The following NXPE2 variants were observed in gnomAD, a reference collection of about 807,000 sequenced individuals.
NXPE2 encodes NXPE family member 2.
Under a neutral mutation model 34.4 loss-of-function variants are expected in NXPE2, and 34 were observed. That is an observed-to-expected ratio of 0.99 (90% CI 0.75 to 1.31). The LOEUF (loss-of-function observed/expected upper bound fraction) is 1.31. Ranked by LOEUF, NXPE2 falls within the 40% of genes most tolerant of loss-of-function variation. NXPE2 has a pLI of 0.00. For missense variants in NXPE2, 649 were observed against 672.5 expected (o/e 0.97, Z 0.39); for synonymous variants, 235 against 231.3 (o/e 1.02, Z -0.15).
chr11:114,670,224 A>G, the NXPE2 span, among the ~76,000 whole-genome samples: 4 of 152,004 alleles, frequency 2.6e-5, no homozygotes, highest in Admixed American at 2.6e-4. Context: ...TGATAACAAC[A>G]GATGGAGAGA....
chr11:114,638,802 GCTGT>G, the NXPE2 span, among the ~76,000 whole-genome samples: 1 of 151,996 alleles, frequency 6.6e-6, no homozygotes, highest in Non-Finnish European at 1.5e-5. Context: ...CGTGAATGCT[GCTGT>G]CTGATTGTTC....
At chr11:114,751,134 G>T in the NXPE2 span, among the ~76,000 whole-genome samples, 8 of 152,058 alleles carry the variant, frequency 5.3e-5, no homozygotes, top group African/African-American at 1.9e-4. Flanking sequence ...GCATGCATGG[G>T]CTTTTTATTG....
the NXPE2 span, among the ~76,000 whole-genome samples, chr11:114,805,401 C>G: frequency 6.6e-6 from 1 of 152,088 alleles, no homozygotes; most frequent in African/African-American, 2.4e-5. Flanking sequence ...TCGCCTCACC[C>G]GGGAAGCACA....
At chr11:114,651,487 T>G in the NXPE2 span, among the ~76,000 whole-genome samples, 12 of 152,308 alleles carry the variant, frequency 7.9e-5, no homozygotes, top group African/African-American at 2.9e-4. Context: ...CAAGATTTAT[T>G]GCAAAGAGCA....
the NXPE2 span, among the ~76,000 whole-genome samples, chr11:114,635,525 G>C: frequency 6.6e-6 from 1 of 151,980 alleles, no homozygotes. Flanking sequence ...GTGAGAGAGG[G>C]CATCCCTGTC....
At position 114,705,778 on chromosome 11, in the gene NXPE2, C is replaced by T; in HGVS notation, c.929-3C>T. The T allele has an allele frequency of 7.0e-7, 1 of 1,418,730 alleles. No homozygotes were observed. The highest frequency in any genetic ancestry group is 9.3e-7 in the Non-Finnish European group (1 of 1,079,506). 87.9% of individuals were successfully genotyped at this position (1,418,730 alleles called of 1,614,324 possible). On this transcript the variant is annotated splice_region_variant and splice_polypyrimidine_tract_variant and intron_variant, in intron 4 of 5. Transcript: ENST00000389586. ...TACTTAATCTGGAAATTTGTATTGC[C>T]AGAGAGCGAGAACATAAAAAAGAAC...
At chr11:114,694,035 ACT>A (rs1283583775) in intron 2 of NXPE2, among the ~76,000 whole-genome samples, 2 of 152,076 alleles carry the variant, frequency 1.3e-5, no homozygotes, top group Admixed American at 6.6e-5. Context: ...TTGAAGAGAG[ACT>A]CTGTTTTCCT....
chr11:114,498,061 A>G, the NXPE2 span, among the ~76,000 whole-genome samples: 2 of 151,952 alleles, frequency 1.3e-5, no homozygotes, highest in Non-Finnish European at 2.9e-5. Flanking sequence ...TTCCTGTTAA[A>G]TTTCTTAAGT....
chr11:114,751,399 G>A, the NXPE2 span, among the ~76,000 whole-genome samples: 2 of 152,104 alleles, frequency 1.3e-5, no homozygotes, highest in Admixed American at 6.5e-5. Context: ...CATTTAGTGA[G>A]TTCCTAATGT....
the NXPE2 span, among the ~76,000 whole-genome samples, chr11:114,803,284 C>G: frequency 1.3e-5 from 2 of 152,228 alleles, no homozygotes; most frequent in Non-Finnish European, 2.9e-5. Context: ...ACAACCCGAA[C>G]TTACTAACTA....
intron 3 of NXPE2, among the ~76,000 whole-genome samples, chr11:114,703,699 T>TAGATAGATA (rs1555079971): frequency 5.5e-5 from 1 of 18,180 alleles, no homozygotes. Flanking sequence ...GATAGATAGA[T>TAGATAGATA]GATAGATAGA....
the NXPE2 span, among the ~76,000 whole-genome samples, chr11:114,792,393 C>T: frequency 6.6e-6 from 1 of 152,122 alleles, no homozygotes; most frequent in African/African-American, 2.4e-5. Context: ...GGACTCTGAC[C>T]CCCCATCTAT....
the NXPE2 span, among the ~76,000 whole-genome samples, chr11:114,497,452 G>GT: frequency 5.4e-4 from 82 of 152,248 alleles, no homozygotes; most frequent in African/African-American, 2.0e-3. Flanking sequence ...CTATACAGGT[G>GT]TACCATTGTT....
chr11:114,564,871 AC>A, the NXPE2 span, among the ~76,000 whole-genome samples: 1 of 152,128 alleles, frequency 6.6e-6, no homozygotes, highest in East Asian at 1.9e-4. Flanking sequence ...ATTCCAGAAG[AC>A]CTCTTGTTTT....
the NXPE2 span, among the ~76,000 whole-genome samples, chr11:114,803,936 T>C: frequency 6.6e-6 from 1 of 152,100 alleles, no homozygotes; most frequent in African/African-American, 2.4e-5. Context: ...ATCCTCATGA[T>C]CTAATCACCC....
chr11:114,582,647 G>A, the NXPE2 span: 2 of 1,614,154 alleles, frequency 1.2e-6, no homozygotes, highest in South Asian at 2.2e-5. Context: ...CGTTGTTGAA[G>A]TCAGTCACCT....
At chr11:114,792,146 T>A in the NXPE2 span, among the ~76,000 whole-genome samples, 1 of 152,158 alleles carries the variant, frequency 6.6e-6, no homozygotes, top group African/African-American at 2.4e-5. Context: ...TTTGTAAAGT[T>A]CCATGGGCCC....
chr11:114,514,263 G>T, the NXPE2 span, among the ~76,000 whole-genome samples: 4 of 151,972 alleles, frequency 2.6e-5, no homozygotes, highest in Non-Finnish European at 5.9e-5. Context: ...GGACGTATAG[G>T]TTTTCTTAAT....
chr11:114,583,826 T>G, the NXPE2 span: 1 of 422,292 alleles, frequency 2.4e-6, no homozygotes, highest in South Asian at 1.9e-5. Context: ...TATTACAGGC[T>G]AGGCCAGGAC....
Sources: gnomAD v4.1 joint callset for allele counts (sites outside exome capture counted in the v4.1 genomes callset) on GRCh38, gnomAD v4.1.1 for gene constraint, MANE v1.5 for transcripts, NCBI Gene and HGNC (gene_info 2026-07-23, HGNC 2026-07-21) for gene names.